Variants in GSDME observed in about 807,000 individuals in gnomAD.
The protein encoded by GSDME is gasdermin E, also known as gasdermin-E.
A neutral mutation model predicts 47.5 loss-of-function variants in GSDME; 44 were observed. The observed-to-expected ratio is 0.93, with a 90% CI of 0.73 to 1.19. The LOEUF (loss-of-function observed/expected upper bound fraction) is 1.19, where lower values mean the gene tolerates loss of function less well. Among genes scored for constraint, GSDME ranks in the 50% most tolerant of loss-of-function variants. The probability of loss-of-function intolerance (pLI) is 0.00; values close to 1 mark genes in which losing one functional copy is unlikely to be tolerated. For synonymous variants in GSDME, 258 were observed against 252.8 expected, an observed-to-expected ratio of 1.02 and a Z score of -0.20; for missense variants, 663 against 604.2, an observed-to-expected ratio of 1.10 and a Z score of -1.02.
At chr7:24,711,786 G>A (rs1282455837) in intron 5 of GSDME, among the ~76,000 whole-genome samples, 2 of 143,384 alleles carry the variant, frequency 1.4e-5, no homozygotes, top group Non-Finnish European at 1.5e-5. Flanking sequence ...CTGCACTCCA[G>A]CCTGGGCAAT....
At chr7:24,761,848 CACA>C (rs1791170091), upstream of GSDME, among the ~76,000 whole-genome samples, 2 of 152,186 alleles carry the variant, frequency 1.3e-5, no homozygotes, top group Admixed American at 1.3e-4. This position sits in a 1 kb window ranked among gnomAD's most constrained non-coding sequence, Gnocchi z 4.4. Flanking sequence ...ACGTAATTTC[CACA>C]ACAAGCCTAG....
At chr7:24,752,852 T>C (rs1019594865) in intron 1 of GSDME, among the ~76,000 whole-genome samples, 3 of 152,178 alleles carry the variant, frequency 2.0e-5, no homozygotes, top group East Asian at 1.9e-4. Flanking sequence ...CAGGTTTCTG[T>C]AGAAACCAAA....
In GSDME at chr7:24,721,070, T is replaced by C. The variant is rs1482677675; in HGVS notation, c.405-1852A>G. Among the ~76,000 whole-genome samples the C allele has an allele frequency of 2.0e-5, 3 of 152,086 alleles. No individual in the cohort carries two copies. Among genetic ancestry groups the C allele is most frequent in the East Asian group, 1.9e-4 (1 of 5,192 alleles). On this transcript the variant is annotated intron_variant, in intron 3 of 9. Coordinates refer to ENST00000645220, the MANE Select transcript of GSDME (RefSeq NM_001127453.2). The surrounding 1 kb of genome is among the most constrained non-coding windows in gnomAD (Gnocchi z 4.1). ...CAAATTCATAATGACAGAAAGCAGATTGGAGGTTACCGGGGCTGCAGGGCT... is the reference window on the plus strand; with the variant it reads ...CAAATTCATAATGACAGAAAGCAGACTGGAGGTTACCGGGGCTGCAGGGCT...
intron 2 of GSDME, among the ~76,000 whole-genome samples, chr7:24,746,884 C>T (rs1408830589): frequency 6.6e-6 from 1 of 152,112 alleles, no homozygotes; most frequent in Non-Finnish European, 1.5e-5. Context: ...AGTGAGGCTG[C>T]GAGTGGGAAA....
In GSDME at chr7:24,712,402, A is replaced by G. The variant is rs1347887837; in HGVS notation, c.698-2014T>C. 7.2e-5 allele frequency among the ~76,000 whole-genome samples: 11 copies of G among 152,094 alleles called. No individual in the cohort carries two copies. The highest frequency in any genetic ancestry group is 1.6e-4 in the Non-Finnish European group (11 of 67,992). ...TAAGAATCCACAGCACCAACCACAC[A>G]CCACACTCTCACCTTCACCCATGCA... On this transcript the variant is annotated intron_variant, in intron 5 of 9. Transcript: ENST00000645220. This position sits in a 1 kb window ranked among gnomAD's most constrained non-coding sequence, Gnocchi z 4.4.
intron 8 of GSDME, chr7:24,703,630 TC>T (rs1490763689): frequency 6.5e-6 from 1 of 153,512 alleles, no homozygotes; most frequent in East Asian, 1.9e-4. Flanking sequence ...ACTCAGTTGT[TC>T]CTGCCATGTG....
intron 5 of GSDME, chr7:24,715,529 C>G: frequency 2.1e-6 from 1 of 470,298 alleles, no homozygotes; most frequent in South Asian, 1.6e-5. Context: ...TCACCACTGG[C>G]CATCAGTAAG....
Position 24,710,499 on chromosome 7 carries a change from G to A in GSDME, c.698-111C>T, listed in dbSNP as rs1442752768. ...TGGCACATCTTAGACGTAACTCAGT[G>A]GAGCAGAAGACCCATCCATCTTCCC... On this transcript the variant is annotated intron_variant, in intron 5 of 9. Transcript: ENST00000645220. 3.0e-6 allele frequency: 3 copies of A among 1,016,240 alleles called. No individual in the cohort carries two copies. In the East Asian group the frequency reaches 7.2e-5, roughly 24 times the overall value. 63.0% of individuals were successfully genotyped at this position (1,016,240 alleles called of 1,614,324 possible).
rs1409851865 is a variant in GSDME, at chr7:24,725,842, T to C, written c.405-6624A>G. ...CTTTTTCTTTCTTTGGAGGCAGAAA[T>C]TGGGCATAAGACAATATGAGGGGTG... On this transcript the variant is annotated intron_variant, in intron 3 of 9. Transcript: ENST00000645220. This position sits in a 1 kb window ranked among gnomAD's most constrained non-coding sequence, Gnocchi z 5.1. 6.6e-6 allele frequency among the ~76,000 whole-genome samples: 1 copy of C among 152,092 alleles called. No homozygotes were observed. The highest frequency in any genetic ancestry group is 1.5e-5 in the Non-Finnish European group (1 of 68,014).
chr7:24,737,947 T>TA (rs1375149287), intron 3 of GSDME, among the ~76,000 whole-genome samples: 2 of 151,836 alleles, frequency 1.3e-5, no homozygotes, highest in Admixed American at 6.6e-5. Context: ...CCCTTCAAGA[T>TA]AAAAAACTGC....
chr7:24,706,015 GGGGT>G, intron 8 of GSDME, 165 bp downstream of exon 8: 1 of 811,678 alleles, frequency 1.2e-6, no homozygotes. Context: ...AGACCGAAGG[GGGGT>G]TTCCCATCAG....
chr7:24,756,938 GT>G lies in GSDME; in HGVS notation c.-20+457del, dbSNP rs987759943. Among the ~76,000 whole-genome samples the G allele has an allele frequency of 6.6e-6, 1 of 152,086 alleles. No homozygotes were observed. The highest frequency in any genetic ancestry group is 1.5e-5 in the Non-Finnish European group (1 of 68,000). On this transcript the variant is annotated intron_variant, in intron 1 of 9. Coordinates refer to ENST00000645220, the MANE Select transcript of GSDME (RefSeq NM_001127453.2). The surrounding 1 kb of genome is among the most constrained non-coding windows in gnomAD (Gnocchi z 4.2). ...GACTGAACTCCGTATCTGTTCCGCGGTCCGCCTCCCTGCACACACGCCCCCG... is the reference window on the plus strand; with the variant it reads ...GACTGAACTCCGTATCTGTTCCGCGGCCGCCTCCCTGCACACACGCCCCCG...
intron 1 of GSDME, among the ~76,000 whole-genome samples, chr7:24,755,979 A>G (rs1791004040): frequency 6.6e-6 from 1 of 152,226 alleles, no homozygotes; most frequent in African/African-American, 2.4e-5. Flanking sequence ...AATTGGGTCT[A>G]TTAAATTAGA....
chr7:24,735,777 A>C lies in GSDME; in HGVS notation c.404+8785T>G. 6.9e-6 allele frequency among the ~76,000 whole-genome samples: 1 copy of C among 144,898 alleles called. No individual in the cohort carries two copies. The highest frequency in any genetic ancestry group is 2.1e-4 in the South Asian group (1 of 4,758). On this transcript the variant is annotated intron_variant, in intron 3 of 9. Transcript: ENST00000645220. The surrounding 1 kb of genome is among the most constrained non-coding windows in gnomAD (Gnocchi z 4.4). ...CTATCTCAAAAATAAATAAATAAAT[A>C]AATAAATAAATAAATAAATAAATAA...
At chr7:24,763,124 A>T in the GSDME span, among the ~76,000 whole-genome samples, 1 of 152,138 alleles carries the variant, frequency 6.6e-6, no homozygotes, top group Non-Finnish European at 1.5e-5. The surrounding 1 kb of genome is among the most constrained non-coding windows in gnomAD (Gnocchi z 4.3). Flanking sequence ...TTCCACCACA[A>T]ATTCAATGCC....
At position 24,706,917 on chromosome 7, in the gene GSDME, G is replaced by A. The variant is rs73079954; in HGVS notation, c.991-541C>T. On this transcript the variant is annotated intron_variant, in intron 7 of 9. Coordinates refer to ENST00000645220, the MANE Select transcript of GSDME (RefSeq NM_001127453.2). The stretch of plus-strand genomic sequence containing the variant: ...CATCTGAAAGCTTGACCCCACCCTC[G>A]CCACCAGCCGGGCAGCTTGCTTCTC... 8.5e-3 allele frequency among the ~76,000 whole-genome samples: 1,291 copies of A among 152,268 alleles called. 8 individuals carry two copies. The highest frequency in any genetic ancestry group is 0.014 in the Non-Finnish European group (986 of 68,018).
chr7:24,745,239 A>G lies in GSDME; in HGVS notation c.212-485T>C, dbSNP rs1481930980. On this transcript the variant is annotated intron_variant, in intron 2 of 9. Coordinates refer to ENST00000645220, the MANE Select transcript of GSDME (RefSeq NM_001127453.2). The surrounding 1 kb of genome is among the most constrained non-coding windows in gnomAD (Gnocchi z 4.4). ...GGGTGAAGACTGAAAGGGACTAGAC[A>G]AAGAAGACAACTAAACAGAGAGAGA... is the stretch of plus-strand genomic sequence containing the variant. 6.6e-6 allele frequency among the ~76,000 whole-genome samples: 1 copy of G among 152,212 alleles called. No homozygotes were observed. Among genetic ancestry groups the G allele is most frequent in the Non-Finnish European group, 1.5e-5 (1 of 68,028 alleles).
intron 5 of GSDME, among the ~76,000 whole-genome samples, chr7:24,713,332 T>G (rs1328778353): frequency 1.3e-5 from 2 of 152,116 alleles, no homozygotes; most frequent in African/African-American, 4.8e-5. Flanking sequence ...AGGGGAAGGT[T>G]GGAAAATCCT....
At chr7:24,701,020 C>G (rs987171354) in intron 9 of GSDME, among the ~76,000 whole-genome samples, 11 of 152,186 alleles carry the variant, frequency 7.2e-5, no homozygotes, top group African/African-American at 2.4e-4. Context: ...ACCCTTTCAC[C>G]AGTTCTTGGA....
Sources: allele counts gnomAD v4.1 joint callset (sites outside exome capture counted in the v4.1 genomes callset), GRCh38; gene constraint gnomAD v4.1.1; non-coding constraint Gnocchi (gnomAD v3.1); transcripts MANE v1.5; gene names NCBI Gene and HGNC (gene_info 2026-07-23, HGNC 2026-07-21).